Variants in TBX1 observed in about 807,000 individuals in gnomAD.
TBX1 encodes the protein T-box transcription factor TBX1.
A neutral mutation model predicts 40.8 loss-of-function variants in TBX1; 16 were observed. The observed-to-expected ratio is 0.39, with a 90% CI of 0.27 to 0.60. TBX1 has a LOEUF of 0.60. TBX1 is among the 20% of genes least tolerant of loss of function. The pLI is 0.51. For missense variants in TBX1, 755 were observed against 728.5 expected, an observed-to-expected ratio of 1.04 and a Z score of -0.42; for synonymous variants, 403 against 336.8, an observed-to-expected ratio of 1.20 and a Z score of -2.15.
downstream of TBX1, among the ~76,000 whole-genome samples, chr22:19,771,542 G>T (rs895433430): frequency 6.6e-5 from 10 of 152,200 alleles, no homozygotes; most frequent in Non-Finnish European, 1.3e-4. Context: ...ATTATAAAGG[G>T]TGATGGCATT....
In TBX1 at chr22:19,766,783, C is replaced by CGCTGCCGCA. The variant is rs748434309; in HGVS notation, c.1440_1448dup (p.Ala483_Ala485dup). 1.5e-4 allele frequency: 218 copies of CGCTGCCGCA among 1,490,262 alleles called. No homozygotes were observed. Among genetic ancestry groups the CGCTGCCGCA allele is most frequent in the Admixed American group, 3.5e-4 (14 of 39,582 alleles). The allele number at this position is 1,490,262 out of a possible 1,614,324, so 92.3% of individuals were successfully genotyped here. On this transcript the variant is annotated inframe_insertion, in exon 7 of 7. Transcript: ENST00000649276. ...GTCCAGCCGCCGCGGCCGCCGCCGCCGCTGCCGCAGCTGCCGCGGCCGCCA... is the reference window on the plus strand; with the variant it reads ...GTCCAGCCGCCGCGGCCGCCGCCGCCGCTGCCGCAGCTGCCGCAGCTGCCGCGGCCGCCA...
At chr22:19,764,668 G>T (rs181933867) in intron 3 of TBX1, among the ~76,000 whole-genome samples, 32 of 152,360 alleles carry the variant, frequency 2.1e-4, no homozygotes, top group Non-Finnish European at 3.2e-4. Context: ...CAAGGGGGCT[G>T]GAGAAAGAGG....
Position 19,760,958 on chromosome 22 carries a change from G to T in TBX1, c.115G>T (p.Ala39Ser). The change falls in exon 1 of 7, where the codon GCC (alanine) becomes TCC (serine). Residue 39 changes from alanine (A) to serine (S), a missense_variant. Physicochemically the swap from Ala to Ser is moderately conservative, Grantham distance 99. Around this residue, in one of 3 missense-constraint regions of TBX1, gnomAD observed 199 missense variants for 173.0 expected, o/e 1.15. Transcript: ENST00000649276. ...GGGGGCCGCGGGGGGCTTCCCGGGCGCCGCGTCGCCCGGCGCCGACCCGTA... is the reference window on the plus strand; with the variant it reads ...GGGGGCCGCGGGGGGCTTCCCGGGCTCCGCGTCGCCCGGCGCCGACCCGTA... ...SLGAAGGFPG[A>S]ASPGADPYGP... 2 of 994,254 alleles carry T rather than the reference G, an allele frequency of 2.0e-6. No individual in the cohort carries two copies. Among genetic ancestry groups the T allele is most frequent in the Non-Finnish European group, 2.4e-6 (2 of 835,236 alleles). 61.6% of individuals were successfully genotyped at this position (994,254 alleles called of 1,614,324 possible).
rs41298816 is a variant in TBX1, at chr22:19,763,292, C to T, written c.489C>T (p.Ala163=). The T allele has an allele frequency of 5.8e-5, 93 of 1,614,058 alleles. No homozygotes were observed. Among genetic ancestry groups the T allele is most frequent in the Admixed American group, 5.0e-4 (30 of 60,008 alleles). Reference sequence around the variant, plus strand: ...AGCTCTTCGGCATGGATCCCATGGCCGACTATATGCTGCTCATGGACTTCG... The same window carrying T: ...AGCTCTTCGGCATGGATCCCATGGCTGACTATATGCTGCTCATGGACTTCG... ...QVKLFGMDPM[A]DYMLLMDFVP... is the part of the protein sequence containing the mutation. The change falls in exon 2 of 7, where the codon GCC becomes GCT. Residue 163 remains alanine, a synonymous_variant. Transcript: ENST00000649276.
intron 1 of TBX1, among the ~76,000 whole-genome samples, chr22:19,762,295 G>A (rs1403708437): frequency 1.3e-5 from 2 of 152,242 alleles, no homozygotes; most frequent in East Asian, 1.9e-4. Context: ...CAGAGGCTTC[G>A]GGTGGGGGAG....
intron 3 of TBX1, among the ~76,000 whole-genome samples, chr22:19,764,558 C>G (rs1271505030): frequency 6.6e-6 from 1 of 152,248 alleles, no homozygotes; most frequent in East Asian, 1.9e-4. Flanking sequence ...GGTCGCACAG[C>G]CTAGTGGGCC....
chr22:19,759,625 G>T (rs1298369163), upstream of TBX1: 4 of 1,611,768 alleles, frequency 2.5e-6, no homozygotes, highest in Non-Finnish European at 3.4e-6. Context: ...TTCGCTGGCT[G>T]CCAGGATCCC....
intron 1 of TBX1, 23 bp downstream of exon 1, chr22:19,761,303 C>G (rs780975005): frequency 1.3e-6 from 2 of 1,530,396 alleles, no homozygotes; most frequent in South Asian, 2.3e-5. Context: ...CTCCCCACGC[C>G]GCGACCCTCC....
Position 19,766,375 on chromosome 22 carries a change from G to T in TBX1, c.1037-14G>T, listed in dbSNP as rs1245322548. 4.6e-6 allele frequency: 6 copies of T among 1,306,772 alleles called. No homozygotes were observed. The highest frequency in any genetic ancestry group is 5.8e-6 in the Non-Finnish European group (6 of 1,027,498). 80.9% of individuals were successfully genotyped at this position (1,306,772 alleles called of 1,614,324 possible). On this transcript the variant is annotated splice_polypyrimidine_tract_variant and intron_variant, in intron 6 of 6. Transcript: ENST00000649276. ...CCCCGGCCGGCCGCGCTCACTCCTC[G>T]GCCCTCTCCGCAGACGCGGCTGAGG...
At chr22:19,777,907 G>A (rs1169281253) in intron 8 of TBX1, among the ~76,000 whole-genome samples, 3 of 151,516 alleles carry the variant, frequency 2.0e-5, no homozygotes, top group Non-Finnish European at 2.9e-5. Context: ...ACACAGGCAC[G>A]CACCACCATG....
chr22:19,764,369 C>T (rs202161892), intron 3 of TBX1, 43 bp downstream of exon 3: 26 of 1,598,918 alleles, frequency 1.6e-5, no homozygotes, highest in South Asian at 3.3e-5. Context: ...CCCAAGGCCT[C>T]GAGTCCCGAG....
In TBX1 at chr22:19,762,073, T is replaced by C. The variant is rs1042015797; in HGVS notation, c.437+793T>C. Among the ~76,000 whole-genome samples, 14 of 152,336 alleles carry C rather than the reference T, an allele frequency of 9.2e-5. No homozygotes were observed. The East Asian group carries it at 2.7e-3, about 29-fold the overall frequency. Reference sequence around the variant, plus strand: ...TGCAAAGCCTTCTCGTGGTTTCTGTTTCCCTGCTGCCGGCGTCCTTTCTGA... The same window carrying C: ...TGCAAAGCCTTCTCGTGGTTTCTGTCTCCCTGCTGCCGGCGTCCTTTCTGA... On this transcript the variant is annotated intron_variant, in intron 1 of 6. Transcript: ENST00000649276.
chr22:19,766,977 G>T lies in TBX1; in HGVS notation c.*110G>T. 1 of 1,463,854 alleles carries T rather than the reference G, an allele frequency of 6.8e-7. No homozygotes were observed. Among genetic ancestry groups the T allele is most frequent in the South Asian group, 1.3e-5 (1 of 75,882 alleles). 90.7% of individuals were successfully genotyped at this position (1,463,854 alleles called of 1,614,324 possible). Reference sequence around the variant, plus strand: ...GGAATACGTTCCCCCAGCCCCAGGGGCCACCGCGGCTCTCCCCTTCCCCAG... The same window carrying T: ...GGAATACGTTCCCCCAGCCCCAGGGTCCACCGCGGCTCTCCCCTTCCCCAG... On this transcript the variant is annotated 3_prime_UTR_variant, in exon 7 of 7. Coordinates refer to ENST00000649276, the MANE Select transcript of TBX1 (RefSeq NM_001379200.1).
At chr22:19,782,837 A>G (rs1937154712), downstream of TBX1, 4 of 1,612,786 alleles carry the variant, frequency 2.5e-6, no homozygotes, top group Non-Finnish European at 3.4e-6. Context: ...GACAAGCCTT[A>G]TTTGATAAAG....
At chr22:19,763,499 C>G in intron 2 of TBX1, 157 bp downstream of exon 2, 2 of 678,484 alleles carry the variant, frequency 2.9e-6, no homozygotes, top group Non-Finnish European at 5.2e-6. Context: ...CCACTCCCAT[C>G]TGACCCCAGA....
Position 19,766,880 on chromosome 22 carries a change from C to A in TBX1, c.*13C>A. On this transcript the variant is annotated 3_prime_UTR_variant, in exon 7 of 7. Transcript: ENST00000649276. ...TTGCCCCAGATAACACGGGCCCTGTCGCGCTCCCGCCCCGGTCCTGCACAG... is the reference window on the plus strand; with the variant it reads ...TTGCCCCAGATAACACGGGCCCTGTAGCGCTCCCGCCCCGGTCCTGCACAG... The A allele has an allele frequency of 1.5e-5, 24 of 1,584,704 alleles. No homozygotes were observed. The highest frequency in any genetic ancestry group is 2.0e-5 in the Non-Finnish European group (24 of 1,173,690).
At chr22:19,774,834 T>C (rs1223236515) in intron 8 of TBX1, among the ~76,000 whole-genome samples, 6 of 151,652 alleles carry the variant, frequency 4.0e-5, no homozygotes, top group African/African-American at 1.5e-4. Flanking sequence ...GAATGGGGAG[T>C]TGGCGTCTAG....
In TBX1 at chr22:19,778,123, GCT is replaced by G. The variant is rs1465839805; in HGVS notation, c.1010-1094_1010-1093del. ...TGCTCATTTCAAGAGACAGGATCTT[GCT>G]CTGTCACCCAGGCTGGAGTGCAGTG... On this transcript the variant is annotated intron_variant, in intron 8 of 8. Coordinates refer to the TBX1 transcript ENST00000329705. Among the ~76,000 whole-genome samples the G allele has an allele frequency of 2.0e-5, 3 of 151,382 alleles. No individual in the cohort carries two copies. In the East Asian group the frequency reaches 5.9e-4, roughly 30 times the overall value.
downstream of TBX1, among the ~76,000 whole-genome samples, chr22:19,769,188 T>A (rs185267993): frequency 6.6e-6 from 1 of 152,272 alleles, no homozygotes; most frequent in East Asian, 1.9e-4. Context: ...CTCGAACTCC[T>A]GACCTCAGGT....
Sources: allele counts gnomAD v4.1 joint callset (sites outside exome capture counted in the v4.1 genomes callset), GRCh38; gene constraint gnomAD v4.1.1; regional missense constraint gnomAD v4.1.1; transcripts MANE v1.5; gene names NCBI Gene and HGNC (gene_info 2026-07-23, HGNC 2026-07-21).